The following CNOT3 variants were observed in gnomAD, a reference collection of about 807,000 sequenced individuals.
CNOT3 encodes CCR4-associated factor 3.
A neutral mutation model predicts 89.4 loss-of-function variants in CNOT3; 2 were observed. That is an observed-to-expected ratio of 0.02 (90% CI 0.01 to 0.07). The LOEUF (loss-of-function observed/expected upper bound fraction) is 0.07, where lower values mean the gene tolerates loss of function less well. Ranked by LOEUF, CNOT3 falls within the 10% of genes least tolerant of loss-of-function variation. The pLI is 1.00. For missense variants in CNOT3, 664 were observed against 1,010.2 expected (o/e 0.66, Z 4.65); for synonymous variants, 486 against 402.0 (o/e 1.21, Z -2.50).
Position 54,145,526 on chromosome 19 carries a change from G to A in CNOT3, c.484-72G>A. 1 of 1,054,096 alleles carries A rather than the reference G, an allele frequency of 9.5e-7. No homozygotes were observed. Among genetic ancestry groups the A allele is most frequent in the Non-Finnish European group, 1.5e-6 (1 of 684,996 alleles). The allele number at this position is 1,054,096 out of a possible 1,614,324, so 65.3% of individuals were successfully genotyped here. ...CCACAGGGGTCAGGGACTGAGGACA[G>A]GTTCTGTGGGGGCAGGAGGGGCCAA... On this transcript the variant is annotated intron_variant, in intron 7 of 17. Transcript: ENST00000221232. This position sits in a 1 kb window ranked among gnomAD's most constrained non-coding sequence, Gnocchi z 5.9.
intron 15 of CNOT3, 120 bp downstream of exon 15, chr19:54,152,746 G>A: frequency 1.0e-6 from 1 of 955,962 alleles, no homozygotes. Context: ...TCCACTGAAG[G>A]TCAGCACCGC....
At position 54,137,879 on chromosome 19, in the gene CNOT3, G is replaced by A. The variant is rs1465043289; in HGVS notation, c.-165G>A. On this transcript the variant is annotated 5_prime_UTR_variant, in exon 1 of 18. Transcript: ENST00000221232. The stretch of plus-strand genomic sequence containing the variant: ...GGCCCACTCCCCCAACCCCACTTCC[G>A]CTTCGCGCCGCTATCGCGATAGCGC... 6.6e-6 allele frequency: 1 copy of A among 151,812 alleles called. No individual in the cohort carries two copies. Among genetic ancestry groups the A allele is most frequent in the Admixed American group, 6.6e-5 (1 of 15,266 alleles). 9.4% of individuals were successfully genotyped at this position (151,812 alleles called of 1,614,324 possible).
chr19:54,143,245 G>T, intron 3 of CNOT3, 59 bp downstream of exon 3: 2 of 1,487,188 alleles, frequency 1.3e-6, no homozygotes, highest in Non-Finnish European at 1.9e-6. Flanking sequence ...CAGGAAGGCG[G>T]CTCAGGACCT....
At position 54,145,593 on chromosome 19, in the gene CNOT3, A is replaced by C. The variant is rs1357632769; in HGVS notation, c.484-5A>C. 6.2e-7 allele frequency: 1 copy of C among 1,611,774 alleles called. No homozygotes were observed. Among genetic ancestry groups the C allele is most frequent in the Non-Finnish European group, 8.5e-7 (1 of 1,178,156 alleles). ...CCCTGAGCCTGGCCCTGGGCTCGCCAGCAGAAGCAGGACCGGATTGAGGGC... is the reference window on the plus strand; with the variant it reads ...CCCTGAGCCTGGCCCTGGGCTCGCCCGCAGAAGCAGGACCGGATTGAGGGC... On this transcript the variant is annotated splice_polypyrimidine_tract_variant and splice_region_variant and intron_variant, in intron 7 of 17. Coordinates refer to ENST00000221232, the MANE Select transcript of CNOT3 (RefSeq NM_014516.4). The surrounding 1 kb of genome is among the most constrained non-coding windows in gnomAD (Gnocchi z 5.9).
At position 54,139,450 on chromosome 19, in the gene CNOT3, A is replaced by AG. The variant is rs1176706733; in HGVS notation, c.-51+1458dup. Among the ~76,000 whole-genome samples the AG allele has an allele frequency of 3.3e-5, 5 of 152,158 alleles. No individual in the cohort carries two copies. The East Asian group carries it at 5.8e-4, about 18-fold the overall frequency. On this transcript the variant is annotated intron_variant, in intron 1 of 17. Transcript: ENST00000221232. ...ACCCCATGAGAGTAGGAAGCTTCCT[A>AG]GACCCGGGTTCCTGTACTGCGAGGT...
Position 54,145,465 on chromosome 19 carries a change from C to A in CNOT3, c.484-133C>A. ...GAGGGTGGGTGGACCCCATACTGCCCCACCCCGAAGGGGATGGCGTGGAGG... is the reference window on the plus strand; with the variant it reads ...GAGGGTGGGTGGACCCCATACTGCCACACCCCGAAGGGGATGGCGTGGAGG... On this transcript the variant is annotated intron_variant, in intron 7 of 17. Coordinates refer to ENST00000221232, the MANE Select transcript of CNOT3 (RefSeq NM_014516.4). The surrounding 1 kb of genome is among the most constrained non-coding windows in gnomAD (Gnocchi z 5.9). 1.5e-6 allele frequency: 1 copy of A among 656,602 alleles called. No homozygotes were observed. 40.7% of individuals were successfully genotyped at this position (656,602 alleles called of 1,614,324 possible).
At chr19:54,153,670 A>T (rs1184714938) in intron 16 of CNOT3, 45 bp from the exon 17 acceptor site, 3 of 1,550,274 alleles carry the variant, frequency 1.9e-6, no homozygotes, top group South Asian at 2.2e-5. Context: ...CTCCCCACCC[A>T]GTTTGGGGGC....
intron 1 of CNOT3, among the ~76,000 whole-genome samples, chr19:54,139,335 C>T (rs1363913190): frequency 6.6e-6 from 1 of 152,134 alleles, no homozygotes. Context: ...TCAGATCCCA[C>T]ACTGTGGGTT....
intron 1 of CNOT3, chr19:54,141,762 C>T (rs138898009): frequency 3.6e-4 from 55 of 152,250 alleles, no homozygotes; most frequent in African/African-American, 1.3e-3. Context: ...GCCCTGCACA[C>T]GTAGAGTGGG....
At chr19:54,153,898 C>T (rs1304591619) in intron 17 of CNOT3, 58 bp downstream of exon 17, 1 of 1,611,350 alleles carries the variant, frequency 6.2e-7, no homozygotes, top group African/African-American at 1.3e-5. Context: ...TCCCCAGGCT[C>T]CAGGCAGCCC....
At position 54,148,182 on chromosome 19, in the gene CNOT3, G is replaced by A. The variant is rs766226888; in HGVS notation, c.929G>A (p.Ser310Asn). 48 of 1,562,788 alleles carry A rather than the reference G, an allele frequency of 3.1e-5. No individual in the cohort carries two copies. Among genetic ancestry groups the A allele is most frequent in the Non-Finnish European group, 3.7e-5 (43 of 1,156,094 alleles). ...AAAAACGGCTCCAAGCCTGTCCACA[G>A]CAACCAGCACCCTCAGTCCCCAGCT... Reference protein sequence around the residue: ...PAKNGSKPVHSNQHPQSPAVP... With the variant: ...PAKNGSKPVHNNQHPQSPAVP... The change falls in exon 11 of 18, where the codon AGC (serine) becomes AAC (asparagine). Residue 310 changes from serine (S) to asparagine (N), a missense_variant. By Grantham distance (46) the Ser-to-Asn change is conservative. This residue lies in a region of CNOT3 where 545 missense variants were observed against 566.2 expected (regional missense o/e 0.96). Coordinates refer to ENST00000221232, the MANE Select transcript of CNOT3 (RefSeq NM_014516.4). The surrounding 1 kb of genome is among the most constrained non-coding windows in gnomAD (Gnocchi z 6.3).
Position 54,145,838 on chromosome 19 carries a change from G to A in CNOT3, c.703+21G>A, listed in dbSNP as rs369057695. On this transcript the variant is annotated intron_variant, in intron 8 of 17. Coordinates refer to ENST00000221232, the MANE Select transcript of CNOT3 (RefSeq NM_014516.4). This position sits in a 1 kb window ranked among gnomAD's most constrained non-coding sequence, Gnocchi z 5.9. ...CATTCGTGAGGCCCTGGGGCTGATC[G>A]TGGCACAGGAAGTGAGGGCCCAGAA... The A allele has an allele frequency of 8.2e-5, 132 of 1,608,456 alleles. No individual in the cohort carries two copies. Among genetic ancestry groups the A allele is most frequent in the African/African-American group, 8.1e-4 (61 of 74,972 alleles).
Position 54,146,598 on chromosome 19 carries a change from CA to C in CNOT3, c.838-2del. ...GGTTTCTATTCTGCCTCCCCTACCT[CA>C]GGAAAACTCTGAAGATGATAAGAAG... On this transcript the variant is annotated splice_acceptor_variant, in intron 9 of 17. Transcript: ENST00000221232. LOFTEE classifies it high-confidence loss of function. 1 of 1,474,150 alleles carries C rather than the reference CA, an allele frequency of 6.8e-7. No homozygotes were observed. The highest frequency in any genetic ancestry group is 9.5e-7 in the Non-Finnish European group (1 of 1,052,612). The allele number at this position is 1,474,150 out of a possible 1,614,324, so 91.3% of individuals were successfully genotyped here. A position where few individuals can be genotyped will look rare whatever the true frequency, so the allele number is the denominator to read the frequency against.
intron 1 of CNOT3, among the ~76,000 whole-genome samples, chr19:54,138,347 C>T (rs2074304112): frequency 6.6e-6 from 1 of 152,182 alleles, no homozygotes; most frequent in African/African-American, 2.4e-5. Context: ...GGTGCCCGCC[C>T]CTCTCCGCGT....
At chr19:54,153,674 T>A in intron 16 of CNOT3, 41 bp from the exon 17 acceptor site, 1 of 1,582,368 alleles carries the variant, frequency 6.3e-7, no homozygotes, top group Non-Finnish European at 8.7e-7. Context: ...CCACCCAGTT[T>A]GGGGGCCCCC....
At position 54,142,934 on chromosome 19, in the gene CNOT3, G is replaced by A. The variant is rs139199651; in HGVS notation, c.-45G>A. The stretch of plus-strand genomic sequence containing the variant: ...TCTCCAATCTCTCCTAGCAGCGTCC[G>A]TCTCCAAGAGAGTATGAAGAGAGTG... On this transcript the variant is annotated 5_prime_UTR_variant, in exon 2 of 18. Transcript: ENST00000221232. The A allele has an allele frequency of 1.4e-5, 23 of 1,603,820 alleles. No homozygotes were observed. The East Asian group carries it at 2.2e-4, about 16-fold the overall frequency.
rs587658614 is a variant in CNOT3, at chr19:54,146,999, G to A, written c.894+342G>A. ...AGAAAGTTTGGAAGTGAGGAGAGAT[G>A]AGTCTGGCCAGGTCTGCAGGGCCAG... On this transcript the variant is annotated intron_variant, in intron 10 of 17. Transcript: ENST00000221232. Among the ~76,000 whole-genome samples, 13 of 152,294 alleles carry A rather than the reference G, an allele frequency of 8.5e-5. No individual in the cohort carries two copies. In the South Asian group the frequency reaches 2.7e-3, roughly 32 times the overall value.
At position 54,142,728 on chromosome 19, in the gene CNOT3, T is replaced by G. The variant is rs943303069; in HGVS notation, c.-50-201T>G. On this transcript the variant is annotated intron_variant, in intron 1 of 17. Transcript: ENST00000221232. ...TGTAACTTTTCTTGTTTCAACAAAC[T>G]TATGGGGTCCCCTGTTGGCCAGACA... 19 of 593,938 alleles carry G rather than the reference T, an allele frequency of 3.2e-5. No homozygotes were observed. In the African/African-American group the frequency reaches 3.3e-4, roughly 10 times the overall value. The allele number at this position is 593,938 out of a possible 1,614,324, so 36.8% of individuals were successfully genotyped here.
intron 10 of CNOT3, among the ~76,000 whole-genome samples, chr19:54,147,381 G>A (rs1486152760): frequency 8.5e-5 from 13 of 152,194 alleles, no homozygotes. Flanking sequence ...GCAGGTAGTA[G>A]TGAGGGCGGG....
Sources: gnomAD v4.1 joint callset for allele counts (sites outside exome capture counted in the v4.1 genomes callset) on GRCh38, gnomAD v4.1.1 for gene constraint, gnomAD v4.1.1 regional missense constraint, Gnocchi (gnomAD v3.1) non-coding constraint, MANE v1.5 for transcripts, NCBI Gene and HGNC (gene_info 2026-07-23, HGNC 2026-07-21) for gene names.